C2orf76: variants seen among roughly 807,000 people sequenced by gnomAD.
C2orf76 encodes the protein UPF0538 protein C2orf76.
Under a neutral mutation model 16.9 loss-of-function variants are expected in C2orf76, and 23 were observed. The observed-to-expected ratio is 1.36, with a 90% CI of 0.98 to 1.93. C2orf76 has a LOEUF of 1.93. Among genes scored for constraint, C2orf76 ranks in the 30% most tolerant of loss-of-function variants. The pLI is 0.00. For missense variants in C2orf76, 152 were observed against 152.6 expected (o/e 1.00, Z 0.02); for synonymous variants, 48 against 52.3 (o/e 0.92, Z 0.35).
Position 119,339,381 on chromosome 2 carries a change from G to A in C2orf76, c.133+446C>T, listed in dbSNP as rs1431649111. On this transcript the variant is annotated intron_variant, in intron 2 of 5. Coordinates refer to ENST00000334816, the MANE Select transcript of C2orf76 (RefSeq NM_001322331.2). ...CTAGCACCGCCGTTTCTGTGTCTGTGACCACAATTATCAGCAGCTCTCATG... is the reference window on the plus strand; with the variant it reads ...CTAGCACCGCCGTTTCTGTGTCTGTAACCACAATTATCAGCAGCTCTCATG... 5.3e-5 allele frequency among the ~76,000 whole-genome samples: 8 copies of A among 152,124 alleles called. No homozygotes were observed. The East Asian group carries it at 9.7e-4, about 18-fold the overall frequency.
chr2:119,331,289 C>A (rs72829485), intron 2 of C2orf76, among the ~76,000 whole-genome samples: 17,589 of 152,174 alleles, frequency 0.12, 1,214 homozygotes, highest in African/African-American at 0.19. Context: ...TCTACTACTG[C>A]AGCAACACCC....
chr2:119,365,181 C>G (rs1468849957), intron 1 of C2orf76, among the ~76,000 whole-genome samples: 7 of 152,156 alleles, frequency 4.6e-5, no homozygotes, highest in African/African-American at 7.2e-5. Flanking sequence ...CTCAACAATA[C>G]CCTAACTTAA....
chr2:119,302,586 G>A, intron 5 of C2orf76, 38 bp from the exon 6 acceptor site: 1 of 1,291,850 alleles, frequency 7.7e-7, no homozygotes, highest in Non-Finnish European at 1.1e-6. Context: ...AGATTTTAAT[G>A]TAAATCTAAA....
chr2:119,330,524 GTA>G (rs1679644141), intron 2 of C2orf76, among the ~76,000 whole-genome samples: 1 of 151,936 alleles, frequency 6.6e-6, no homozygotes, highest in African/African-American at 2.4e-5. Context: ...TTAGATTATG[GTA>G]TGCCTTGGTG....
At chr2:119,305,296 GAC>G (rs149520597) in intron 5 of C2orf76, among the ~76,000 whole-genome samples, 3 of 150,504 alleles carry the variant, frequency 2.0e-5, no homozygotes, top group Admixed American at 6.6e-5. Flanking sequence ...AGACAGACAA[GAC>G]ACACACACAC....
chr2:119,318,130 A>C (rs2104560522), intron 3 of C2orf76, among the ~76,000 whole-genome samples: 1 of 152,336 alleles, frequency 6.6e-6, no homozygotes, highest in Non-Finnish European at 1.5e-5. Flanking sequence ...TCTTGAAGTC[A>C]GGCTACACTG....
At position 119,335,996 on chromosome 2, in the gene C2orf76, G is replaced by A. The variant is rs191851149; in HGVS notation, c.133+3831C>T. On this transcript the variant is annotated intron_variant, in intron 2 of 5. Transcript: ENST00000334816. ...TTAAGAATAATTAAAATAATTTTAT[G>A]TTATCTAGATAATTGGTTTGTCTAG... Among the ~76,000 whole-genome samples, 418 of 152,262 alleles carry A rather than the reference G, an allele frequency of 2.7e-3. 1 individual carries two copies. The highest frequency in any genetic ancestry group is 4.6e-3 in the Non-Finnish European group (315 of 68,028).
At chr2:119,353,767 T>C (rs1680480921) in intron 1 of C2orf76, among the ~76,000 whole-genome samples, 2 of 152,066 alleles carry the variant, frequency 1.3e-5, no homozygotes, top group Non-Finnish European at 2.9e-5. Context: ...TTCACCATGT[T>C]GAGCAGGCTA....
At chr2:119,306,404 G>A (rs1354869160) in intron 5 of C2orf76, among the ~76,000 whole-genome samples, 1 of 152,150 alleles carries the variant, frequency 6.6e-6, no homozygotes, top group Non-Finnish European at 1.5e-5. Context: ...AACGAACCAC[G>A]AGGGAGTTCT....
Position 119,343,475 on chromosome 2 carries a change from T to TACACACAC in C2orf76, c.-12-3512_-12-3505dup, listed in dbSNP as rs59651595. ...ACACGCATATGCACACACCTATACC[T>TACACACAC]ACACACACACACACACACACACACA... is the stretch of plus-strand genomic sequence containing the variant. On this transcript the variant is annotated intron_variant, in intron 1 of 5. Coordinates refer to ENST00000334816, the MANE Select transcript of C2orf76 (RefSeq NM_001322331.2). Among the ~76,000 whole-genome samples, 16 of 146,060 alleles carry TACACACAC rather than the reference T, an allele frequency of 1.1e-4. No individual in the cohort carries two copies. The South Asian group carries it at 2.7e-3, about 25-fold the overall frequency.
chr2:119,333,633 C>G (rs966446259), intron 2 of C2orf76, among the ~76,000 whole-genome samples: 2 of 152,250 alleles, frequency 1.3e-5, no homozygotes, highest in Non-Finnish European at 2.9e-5. Context: ...CTGCGACAGT[C>G]TGTCACAACT....
chr2:119,291,208 GA>G, the C2orf76 span, among the ~76,000 whole-genome samples: 1 of 151,970 alleles, frequency 6.6e-6, no homozygotes, highest in Non-Finnish European at 1.5e-5. Flanking sequence ...ATGTAAAGAT[GA>G]ACGGCTGGGC....
At chr2:119,349,252 T>C (rs748684081) in intron 1 of C2orf76, among the ~76,000 whole-genome samples, 23 of 152,254 alleles carry the variant, frequency 1.5e-4, no homozygotes, top group Non-Finnish European at 2.9e-4. Flanking sequence ...TTTTCACTTT[T>C]CTGATATATG....
chr2:119,287,517 TG>T, the C2orf76 span, among the ~76,000 whole-genome samples: 2 of 136,206 alleles, frequency 1.5e-5, no homozygotes. Flanking sequence ...GCTAATAACA[TG>T]TTTTTTTTTT....
intron 5 of C2orf76, among the ~76,000 whole-genome samples, chr2:119,305,933 A>AAAC (rs796687139): frequency 9.7e-6 from 1 of 103,560 alleles, no homozygotes; most frequent in East Asian, 2.2e-4. Flanking sequence ...CCAAAAAAAA[A>AAAC]AACAACAACA....
At chr2:119,303,728 T>C (rs1179802319) in intron 5 of C2orf76, among the ~76,000 whole-genome samples, 6 of 152,226 alleles carry the variant, frequency 3.9e-5, no homozygotes, top group African/African-American at 9.6e-5. Context: ...AATCATAAGC[T>C]ACCCATGCTC....
chr2:119,306,990 A>G (rs1678810591), intron 5 of C2orf76, among the ~76,000 whole-genome samples: 1 of 152,088 alleles, frequency 6.6e-6, no homozygotes, highest in Non-Finnish European at 1.5e-5. Flanking sequence ...TTACCCTGGC[A>G]TTATTCCCAT....
At chr2:119,363,108 C>G (rs544227779) in intron 1 of C2orf76, among the ~76,000 whole-genome samples, 1 of 152,186 alleles carries the variant, frequency 6.6e-6, no homozygotes, top group African/African-American at 2.4e-5. Context: ...GAAGCATTTC[C>G]AAAGTCCCTT....
chr2:119,364,468 T>G (rs903537845), intron 1 of C2orf76, among the ~76,000 whole-genome samples: 1 of 152,178 alleles, frequency 6.6e-6, no homozygotes, highest in Non-Finnish European at 1.5e-5. Flanking sequence ...TCTAACAAAT[T>G]TAGATGGTTT....
Sources: gnomAD v4.1 joint callset for allele counts (sites outside exome capture counted in the v4.1 genomes callset) on GRCh38, gnomAD v4.1.1 for gene constraint, MANE v1.5 for transcripts, NCBI Gene and HGNC (gene_info 2026-07-23, HGNC 2026-07-21) for gene names.